The following MECOM variants were observed in gnomAD, a reference collection of about 807,000 sequenced individuals.
MECOM encodes MDS1 and EVI1 complex locus.
Under a neutral mutation model 116.3 loss-of-function variants are expected in MECOM, and 13 were observed. That is an observed-to-expected ratio of 0.11 (90% confidence interval 0.07 to 0.18). MECOM has a LOEUF of 0.18. MECOM is among the 10% of genes least tolerant of loss of function. The pLI is 1.00. For missense variants in MECOM, 1,299 were observed against 1,509.0 expected (o/e 0.86, Z 2.31); for synonymous variants, 528 against 535.2 (o/e 0.99, Z 0.19).
chr3:169,286,403 T>G (rs1419714272), intron 2 of MECOM, among the ~76,000 whole-genome samples: 1 of 152,136 alleles, frequency 6.6e-6, no homozygotes, highest in Non-Finnish European at 1.5e-5. Context: ...AATGCAAAAC[T>G]TATCCTCGAT....
Position 169,630,213 on chromosome 3 carries a change from G to A in MECOM, c.37+33123C>T, listed in dbSNP as rs188147068. 4.9e-4 allele frequency among the ~76,000 whole-genome samples: 75 copies of A among 152,182 alleles called. 2 individuals are homozygous for A. The highest frequency in any genetic ancestry group is 8.7e-4 in the Non-Finnish European group (59 of 68,004). On this transcript the variant is annotated intron_variant, in intron 1 of 16. Transcript: ENST00000651503. Reference sequence around the variant, plus strand: ...TGGGGGTGAGGGAAAGCCAAACCCCGGAACAATATCATCTCTGCTAAAGAC... The same window carrying A: ...TGGGGGTGAGGGAAAGCCAAACCCCAGAACAATATCATCTCTGCTAAAGAC...
At chr3:169,282,649 A>G (rs968846517) in intron 2 of MECOM, among the ~76,000 whole-genome samples, 2 of 152,180 alleles carry the variant, frequency 1.3e-5, no homozygotes, top group Non-Finnish European at 2.9e-5. Context: ...TAAAAGGCCA[A>G]ACAAGATGGC....
intron 1 of MECOM, among the ~76,000 whole-genome samples, chr3:169,503,905 G>A (rs1005790555): frequency 1.3e-5 from 2 of 152,044 alleles, no homozygotes; most frequent in African/African-American, 4.8e-5. Context: ...TGCTAAATGA[G>A]GCATGCTAGT....
rs969237856 is a variant in MECOM, at chr3:169,131,539, G to C, written c.511-8C>G. Reference sequence around the variant, plus strand: ...AACTACTCTATAGAATATCTTTAAAGACAAAATAAAGGTGGATGGAATCAG... The same window carrying C: ...AACTACTCTATAGAATATCTTTAAACACAAAATAAAGGTGGATGGAATCAG... On this transcript the variant is annotated splice_polypyrimidine_tract_variant and splice_region_variant and intron_variant, in intron 3 of 16. Transcript: ENST00000651503. 6.2e-7 allele frequency: 1 copy of C among 1,602,706 alleles called. No homozygotes were observed. The highest frequency in any genetic ancestry group is 8.5e-7 in the Non-Finnish European group (1 of 1,172,994).
chr3:169,399,083 A>T (rs536413418), intron 1 of MECOM, among the ~76,000 whole-genome samples: 3 of 152,202 alleles, frequency 2.0e-5, no homozygotes, highest in East Asian at 3.9e-4. Context: ...GCCTGTTGCT[A>T]TTAGAGTGAG....
chr3:169,183,819 C>CATATAT (rs1231405866), intron 2 of MECOM, among the ~76,000 whole-genome samples: 2 of 87,578 alleles, frequency 2.3e-5, no homozygotes, highest in African/African-American at 7.0e-5. Context: ...CACACACACA[C>CATATAT]ATATATATAT....
chr3:169,393,276 C>A (rs190835128), intron 1 of MECOM, among the ~76,000 whole-genome samples: 328 of 152,234 alleles, frequency 2.2e-3, no homozygotes, highest in African/African-American at 7.5e-3. Context: ...CACCCTGGAA[C>A]CTCCAGTGGC....
intron 2 of MECOM, among the ~76,000 whole-genome samples, chr3:169,360,290 T>TAAAAATA (rs1553820607): frequency 3.4e-4 from 10 of 29,538 alleles, no homozygotes; most frequent in Non-Finnish European, 6.4e-4. Context: ...TAAAGTATAA[T>TAAAAATA]AAAAAAAAAA....
chr3:169,408,914 A>G (rs1737128882), intron 1 of MECOM, among the ~76,000 whole-genome samples: 1 of 152,224 alleles, frequency 6.6e-6, no homozygotes, highest in Non-Finnish European at 1.5e-5. Flanking sequence ...GATATTGGCA[A>G]TCCCAGTCTC....
intron 1 of MECOM, among the ~76,000 whole-genome samples, chr3:169,583,599 A>C (rs1441001766): frequency 6.6e-6 from 1 of 152,130 alleles, no homozygotes; most frequent in Non-Finnish European, 1.5e-5. Flanking sequence ...GCACAAACTA[A>C]GGATTAATGT....
rs114117760 is a variant in MECOM at position 169,391,131 on chromosome 3, G to A, written c.38-9607C>T. On this transcript the variant is annotated intron_variant, in intron 1 of 16. Coordinates refer to ENST00000651503, the MANE Select transcript of MECOM (RefSeq NM_004991.4). ...GGCAGAAGAGGGAGTTGTAGCAATG[G>A]CTTGCTGGTAAAACGGAATATGAGC... Among the ~76,000 whole-genome samples the A allele has an allele frequency of 7.4e-3, 1,126 of 152,262 alleles. 11 individuals carry two copies. Among genetic ancestry groups the A allele is most frequent in the African/African-American group, 0.026 (1,070 of 41,546 alleles).
intron 1 of MECOM, among the ~76,000 whole-genome samples, chr3:169,433,456 G>A (rs938969184): frequency 6.0e-5 from 9 of 150,740 alleles, no homozygotes; most frequent in Admixed American, 2.0e-4. Flanking sequence ...CAACAACAGC[G>A]AAACTCGAAA....
At chr3:169,660,364 C>T (rs1321682491) in intron 1 of MECOM, among the ~76,000 whole-genome samples, 1 of 151,862 alleles carries the variant, frequency 6.6e-6, no homozygotes, top group Non-Finnish European at 1.5e-5. Flanking sequence ...ACGAATTTAT[C>T]GGTTTCAACT....
chr3:169,365,761 C>A (rs62293355), intron 2 of MECOM, among the ~76,000 whole-genome samples: 4 of 151,972 alleles, frequency 2.6e-5, no homozygotes, highest in Admixed American at 1.3e-4. Flanking sequence ...GGTCTCCCTG[C>A]CCTCTAAGCC....
chr3:169,278,396 T>C (rs897261163), intron 2 of MECOM, among the ~76,000 whole-genome samples: 30 of 152,200 alleles, frequency 2.0e-4, no homozygotes, highest in African/African-American at 6.5e-4. Flanking sequence ...TGGGATCAAT[T>C]TTATTTTTAG....
Position 169,292,109 on chromosome 3 carries a change from G to A in MECOM, c.375+89078C>T, listed in dbSNP as rs549886259. Among the ~76,000 whole-genome samples the A allele has an allele frequency of 8.5e-5, 13 of 152,114 alleles. No individual in the cohort carries two copies. The East Asian group carries it at 2.1e-3, about 25-fold the overall frequency. Reference sequence around the variant, plus strand: ...AATCCCAGCATTTTTTTGGGAGGCCGAGGCAGGTGGATCACTTGAGGTCAG... The same window carrying A: ...AATCCCAGCATTTTTTTGGGAGGCCAAGGCAGGTGGATCACTTGAGGTCAG... On this transcript the variant is annotated intron_variant, in intron 2 of 16. Coordinates refer to ENST00000651503, the MANE Select transcript of MECOM (RefSeq NM_004991.4).
chr3:169,188,629 T>A (rs1747086304), intron 2 of MECOM, among the ~76,000 whole-genome samples: 1 of 152,048 alleles, frequency 6.6e-6, no homozygotes, highest in Non-Finnish European at 1.5e-5. Context: ...CGGGTTGTGA[T>A]CATATTTTTT....
intron 1 of MECOM, among the ~76,000 whole-genome samples, chr3:169,624,965 T>G (rs1437719580): frequency 1.3e-5 from 2 of 150,352 alleles, no homozygotes; most frequent in African/African-American, 2.5e-5. Context: ...AAGATTGAAA[T>G]CTCTGGCCAT....
chr3:169,254,541 C>T (rs1226520363), intron 2 of MECOM, among the ~76,000 whole-genome samples: 1 of 152,192 alleles, frequency 6.6e-6, no homozygotes, highest in East Asian at 1.9e-4. Context: ...ACCATTTTCT[C>T]AGGGGGAAAA....
Sources: gnomAD v4.1 joint callset for allele counts (sites outside exome capture counted in the v4.1 genomes callset) on GRCh38, gnomAD v4.1.1 for gene constraint, MANE v1.5 for transcripts, NCBI Gene and HGNC (gene_info 2026-07-23, HGNC 2026-07-21) for gene names.